Variants in STAC observed in about 807,000 individuals in gnomAD.
STAC encodes SH3 and cysteine-rich domain-containing protein.
In STAC, 43 loss-of-function variants were observed where a neutral mutation model predicts 48.8. That is an observed-to-expected ratio of 0.88 (90% CI 0.69 to 1.14). The LOEUF (loss-of-function observed/expected upper bound fraction) is 1.14. Among genes scored for constraint, STAC ranks in the 50% most tolerant of loss-of-function variants. STAC has a pLI of 0.00. For synonymous variants in STAC, 193 were observed against 179.5 expected (o/e 1.07, Z -0.60); for missense variants, 497 against 504.0 (o/e 0.99, Z 0.13).
chr3:36,414,002 C>T (rs1423473551), intron 1 of STAC, among the ~76,000 whole-genome samples: 1 of 152,114 alleles, frequency 6.6e-6, no homozygotes, highest in Non-Finnish European at 1.5e-5. Context: ...GAATATTGGC[C>T]CCCACTCTCT....
chr3:36,424,307 A>G (rs576736072), intron 1 of STAC, among the ~76,000 whole-genome samples: 190 of 152,138 alleles, frequency 1.2e-3, no homozygotes, highest in African/African-American at 4.3e-3. Context: ...TTTAAAGGAC[A>G]CTTGTTTTAG....
At chr3:36,483,722 T>C (rs1422996793) in intron 3 of STAC, among the ~76,000 whole-genome samples, 1 of 152,144 alleles carries the variant, frequency 6.6e-6, no homozygotes, top group East Asian at 1.9e-4. Context: ...GACACCAAGG[T>C]GGGTTGATCC....
chr3:36,382,947 G>A (rs1402365776), intron 1 of STAC, among the ~76,000 whole-genome samples: 1 of 152,158 alleles, frequency 6.6e-6, no homozygotes, highest in Non-Finnish European at 1.5e-5. Flanking sequence ...GACAAACATG[G>A]TTCAGGCCCC....
chr3:36,481,313 G>A (rs1008402148), intron 2 of STAC, among the ~76,000 whole-genome samples: 1 of 152,186 alleles, frequency 6.6e-6, no homozygotes, highest in African/African-American at 2.4e-5. Flanking sequence ...CATCAGAAAG[G>A]CAGAGAGAAC....
intron 2 of STAC, among the ~76,000 whole-genome samples, chr3:36,467,468 G>C (rs529039537): frequency 6.6e-6 from 1 of 152,002 alleles, no homozygotes; most frequent in Non-Finnish European, 1.5e-5. Context: ...GAATCTGTGC[G>C]GTTCTGGACT....
intron 2 of STAC, among the ~76,000 whole-genome samples, chr3:36,472,321 C>G (rs1697364028): frequency 6.6e-6 from 1 of 152,234 alleles, no homozygotes; most frequent in Non-Finnish European, 1.5e-5. Flanking sequence ...CTTCCTGTGC[C>G]TCCAGGCCTG....
chr3:36,477,696 T>G, intron 2 of STAC, among the ~76,000 whole-genome samples: 1 of 152,212 alleles, frequency 6.6e-6, no homozygotes, highest in Admixed American at 6.5e-5. Context: ...TGTATTGGAT[T>G]ACATTGATCC....
chr3:36,453,834 C>T (rs1412895668), intron 2 of STAC, among the ~76,000 whole-genome samples: 1 of 152,220 alleles, frequency 6.6e-6, no homozygotes, highest in Admixed American at 6.5e-5. Context: ...GATCGGCACT[C>T]TGCATCTAGC....
chr3:36,427,734 C>G (rs1039084034), intron 1 of STAC, among the ~76,000 whole-genome samples: 2 of 152,128 alleles, frequency 1.3e-5, no homozygotes, highest in African/African-American at 4.8e-5. Flanking sequence ...AATTCCCTAC[C>G]CTTGTGGAAA....
At chr3:36,386,504 T>C (rs1699619949) in intron 1 of STAC, among the ~76,000 whole-genome samples, 1 of 152,072 alleles carries the variant, frequency 6.6e-6, no homozygotes, top group Admixed American at 6.6e-5. Context: ...GTGCTTTTTG[T>C]GTACTGCTTA....
intron 10 of STAC, among the ~76,000 whole-genome samples, chr3:36,537,961 A>G (rs567848715): frequency 1.3e-5 from 2 of 152,118 alleles, no homozygotes; most frequent in African/African-American, 4.8e-5. Context: ...AAAAAAAAAC[A>G]GAAAAAAATA....
At chr3:36,473,924 G>A (rs888134684) in intron 2 of STAC, among the ~76,000 whole-genome samples, 5 of 152,166 alleles carry the variant, frequency 3.3e-5, no homozygotes, top group African/African-American at 4.8e-5. Flanking sequence ...CCCCTGAATA[G>A]GTAGGTGTGT....
At chr3:36,445,267 T>C (rs1696476053) in intron 2 of STAC, among the ~76,000 whole-genome samples, 1 of 152,206 alleles carries the variant, frequency 6.6e-6, no homozygotes, top group South Asian at 2.1e-4. Context: ...AAAAATGTCC[T>C]ATGCTAAAGA....
intron 10 of STAC, among the ~76,000 whole-genome samples, chr3:36,542,974 G>T (rs555741708): frequency 5.3e-5 from 8 of 152,292 alleles, no homozygotes; most frequent in Admixed American, 4.6e-4. Context: ...CTTAGGCAAT[G>T]AAAATATCTC....
chr3:36,486,199 A>G lies in STAC; in HGVS notation c.637A>G (p.Thr213Ala). 1 of 1,613,984 alleles carries G rather than the reference A, an allele frequency of 6.2e-7. No homozygotes were observed. The highest frequency in any genetic ancestry group is 8.5e-7 in the Non-Finnish European group (1 of 1,179,952). ...CTTCGGCACCTCCCTGGCCCAGAGGACAAAGAAGGGCAGCTCCGGCAGTGG... is the reference window on the plus strand; with the variant it reads ...CTTCGGCACCTCCCTGGCCCAGAGGGCAAAGAAGGGCAGCTCCGGCAGTGG... ...LRFGTSLAQR[T>A]KKGSSGSGSD... Residue 213 changes from threonine (T) to alanine (A), a missense_variant, in exon 5 of 11, where the codon ACA becomes GCA. Thr to Ala is a moderately conservative substitution (Grantham distance 58). Coordinates refer to ENST00000273183, the MANE Select transcript of STAC (RefSeq NM_003149.3).
intron 1 of STAC, among the ~76,000 whole-genome samples, chr3:36,417,119 A>T (rs1010868991): frequency 4.6e-5 from 7 of 152,122 alleles, no homozygotes; most frequent in African/African-American, 1.7e-4. Context: ...GTGTGCCCCA[A>T]ACTGGCATTG....
intron 1 of STAC, among the ~76,000 whole-genome samples, chr3:36,440,072 G>C (rs569103191): frequency 6.6e-6 from 1 of 152,188 alleles, no homozygotes; most frequent in South Asian, 2.1e-4. Flanking sequence ...TCTCTGGCTA[G>C]CCTTTTCTAG....
intron 7 of STAC, among the ~76,000 whole-genome samples, chr3:36,504,798 T>C (rs1028941003): frequency 6.6e-6 from 1 of 152,086 alleles, no homozygotes; most frequent in East Asian, 1.9e-4. Context: ...AATAATATTA[T>C]ATAATGTACC....
At chr3:36,449,301 C>G (rs113629612) in intron 2 of STAC, among the ~76,000 whole-genome samples, 1 of 152,052 alleles carries the variant, frequency 6.6e-6, no homozygotes, top group South Asian at 2.1e-4. Context: ...GGCAGTGGGA[C>G]GAATGGATTG....
Sources: gnomAD v4.1 joint callset for allele counts (sites outside exome capture counted in the v4.1 genomes callset) on GRCh38, gnomAD v4.1.1 for gene constraint, MANE v1.5 for transcripts, NCBI Gene and HGNC (gene_info 2026-07-23, HGNC 2026-07-21) for gene names.